CCDC88C: variants seen among roughly 807,000 people sequenced by gnomAD.
CCDC88C encodes coiled-coil and HOOK domain protein 88C.
Under a neutral mutation model 198.8 loss-of-function variants are expected in CCDC88C, and 131 were observed. That is an observed-to-expected ratio of 0.66 (90% CI 0.57 to 0.76). The LOEUF is 0.76. Ranked by LOEUF, CCDC88C falls within the 30% of genes least tolerant of loss-of-function variation. CCDC88C has a pLI of 0.00. For synonymous variants in CCDC88C, 1,166 were observed against 1,114.7 expected, an observed-to-expected ratio of 1.05 and a Z score of -0.92; for missense variants, 2,553 against 2,631.6, an observed-to-expected ratio of 0.97 and a Z score of 0.65.
intron 13 of CCDC88C, among the ~76,000 whole-genome samples, chr14:91,320,017 T>A (rs1892285804): frequency 4.8e-5 from 2 of 41,882 alleles, no homozygotes; most frequent in Non-Finnish European, 4.2e-5. Context: ...AGAACAAAAC[T>A]CAGTCTCAAA....
chr14:91,273,535 G>C lies in CCDC88C; in HGVS notation c.5177C>G (p.Thr1726Ser). 6.6e-7 allele frequency: 1 copy of C among 1,524,394 alleles called. No individual in the cohort carries two copies. The highest frequency in any genetic ancestry group is 8.8e-7 in the Non-Finnish European group (1 of 1,135,128). 94.4% of individuals were successfully genotyped at this position (1,524,394 alleles called of 1,614,324 possible). ...PAKKEGAKMP[T>S]NFVAPTVKMA... ...TTTGACGGTGGGGGCCACAAAGTTG[G>C]TGGGCATCTTGGCCCCTTCTTTCTT... Residue 1726 changes from threonine to serine, a missense_variant, in exon 30 of 30, where the codon ACC becomes AGC. Physicochemically the swap from Thr to Ser is moderately conservative, Grantham distance 58. Coordinates refer to ENST00000389857, the MANE Select transcript of CCDC88C (RefSeq NM_001080414.4). This position sits in a 1 kb window ranked among gnomAD's most constrained non-coding sequence, Gnocchi z 5.6.
intron 15 of CCDC88C, among the ~76,000 whole-genome samples, chr14:91,311,015 G>A (rs576855561): frequency 6.6e-6 from 1 of 152,322 alleles, no homozygotes; most frequent in African/African-American, 2.4e-5. Context: ...CTCCCTGACT[G>A]GAGCACAGAA....
intron 3 of CCDC88C, among the ~76,000 whole-genome samples, chr14:91,396,418 G>A (rs545170534): frequency 7.9e-5 from 12 of 152,234 alleles, no homozygotes; most frequent in African/African-American, 1.9e-4. Flanking sequence ...CCACTTTGGC[G>A]TTTAGGGTAT....
chr14:91,318,653 CA>C (rs1484956747), intron 13 of CCDC88C, among the ~76,000 whole-genome samples: 1 of 152,118 alleles, frequency 6.6e-6, no homozygotes, highest in Non-Finnish European at 1.5e-5. Context: ...CATGAACCTG[CA>C]GAGTGGCTGG....
intron 4 of CCDC88C, among the ~76,000 whole-genome samples, chr14:91,356,361 G>C (rs905965985): frequency 1.1e-4 from 17 of 152,264 alleles, no homozygotes; most frequent in Middle Eastern, 3.4e-3. Flanking sequence ...CCACCGTCTA[G>C]CATGTCAGTC....
In CCDC88C at chr14:91,285,387, C is replaced by T. The variant is rs192750613; in HGVS notation, c.4442-1870G>A. 1.7e-4 allele frequency: 79 copies of T among 454,430 alleles called. No individual in the cohort carries two copies. In the East Asian group the frequency reaches 4.0e-3, roughly 23 times the overall value. 28.1% of individuals were successfully genotyped at this position (454,430 alleles called of 1,614,324 possible). A position where few individuals can be genotyped will look rare whatever the true frequency, so the allele number is the denominator to read the frequency against. On this transcript the variant is annotated intron_variant, in intron 25 of 29. Transcript: ENST00000389857. ...GAGACGGGAGGGGGGCACGGCCACT[C>T]GACTTACTTAGTACGGACATCCTGG...
intron 27 of CCDC88C, 28 bp from the exon 28 acceptor site, chr14:91,279,334 A>C (rs769791630): frequency 1.3e-6 from 2 of 1,566,076 alleles, no homozygotes; most frequent in South Asian, 2.3e-5. Context: ...TGTTAAAATT[A>C]AAAAGCCAAT....
At chr14:91,364,496 G>A (rs999212785) in intron 3 of CCDC88C, among the ~76,000 whole-genome samples, 1 of 152,178 alleles carries the variant, frequency 6.6e-6, no homozygotes, top group Non-Finnish European at 1.5e-5. Flanking sequence ...GTGTCCCTAG[G>A]GGTTGGGGGA....
Position 91,279,224 on chromosome 14 carries a change from A to C in CCDC88C, c.4768+14T>G, listed in dbSNP as rs1195702711. The C allele has an allele frequency of 6.3e-7, 1 of 1,578,696 alleles. No homozygotes were observed. Among genetic ancestry groups the C allele is most frequent in the Non-Finnish European group, 8.6e-7 (1 of 1,159,622 alleles). ...AAATCAATTTTTAAAAGTACACAGAAGCACAAGACTTACCTTTTAGGTTAA... is the reference window on the plus strand; with the variant it reads ...AAATCAATTTTTAAAAGTACACAGACGCACAAGACTTACCTTTTAGGTTAA... On this transcript the variant is annotated intron_variant, in intron 28 of 29. Coordinates refer to ENST00000389857, the MANE Select transcript of CCDC88C (RefSeq NM_001080414.4).
rs114849211 is a variant in CCDC88C, at chr14:91,278,004, C to T, written c.4976G>A (p.Arg1659Gln). ...ACTGCTGGGGGAGGCCGAGCAGGGC[C>T]GCACTCCGACGTAGGGAGGGGCTGT... ...RGTAPPYVGV[R>Q]PCSASPSSEM... The change falls in exon 29 of 30, where the codon CGG (arginine) becomes CAG (glutamine). Residue 1659 changes from arginine (R) to glutamine (Q), a missense_variant. Transcript: ENST00000389857. 1.5e-3 allele frequency: 2,397 copies of T among 1,582,192 alleles called. 36 individuals carry two copies. In the African/African-American group the frequency reaches 0.029, roughly 19 times the overall value.
rs1596062636 is a variant in CCDC88C at position 91,315,682 on chromosome 14, T to G, written c.1633A>C (p.Met545Leu). The change falls in exon 14 of 30, where the codon ATG becomes CTG. Residue 545 changes from methionine (M) to leucine (L), a missense_variant. Physicochemically the swap from Met to Leu is conservative, Grantham distance 15. Transcript: ENST00000389857. Reference sequence around the variant, plus strand: ...GCTTTGTCAGCCTTCAGGGTCTCCATGTCACTCTGCAGCTGCTCCTTCTCT... The same window carrying G: ...GCTTTGTCAGCCTTCAGGGTCTCCAGGTCACTCTGCAGCTGCTCCTTCTCT... ...IREKEQLQSDMETLKADKARQ... is the reference protein window; with the variant it reads ...IREKEQLQSDLETLKADKARQ... The G allele has an allele frequency of 6.2e-7, 1 of 1,613,936 alleles. No homozygotes were observed. The highest frequency in any genetic ancestry group is 8.5e-7 in the Non-Finnish European group (1 of 1,179,876).
intron 4 of CCDC88C, among the ~76,000 whole-genome samples, chr14:91,345,188 ATATTTTTTT>A (rs1893488917): frequency 1.6e-5 from 1 of 64,088 alleles, no homozygotes; most frequent in African/African-American, 6.0e-5. Flanking sequence ...ATATATATAT[ATATTTTTTT>A]TTTTTTTTTT....
intron 3 of CCDC88C, among the ~76,000 whole-genome samples, chr14:91,390,775 G>A (rs1885461317): frequency 6.6e-6 from 1 of 152,134 alleles, no homozygotes; most frequent in African/African-American, 2.4e-5. Context: ...CCAAAGCCCA[G>A]AGAATGGGGT....
chr14:91,324,696 C>A, intron 12 of CCDC88C, 83 bp downstream of exon 12: 1 of 1,509,488 alleles, frequency 6.6e-7, no homozygotes, highest in Non-Finnish European at 9.0e-7. Context: ...GCTAACATGG[C>A]AGATTCAGAG....
Position 91,338,955 on chromosome 14 carries a change from C to A in CCDC88C, c.809+323G>T. On this transcript the variant is annotated intron_variant, in intron 8 of 29. Transcript: ENST00000389857. This position sits in a 1 kb window ranked among gnomAD's most constrained non-coding sequence, Gnocchi z 4.8. ...AGGAGGGGCACCTCATCCCTCCAGCCAAGAAAACACATCAGGTGTGGTCGT... is the reference window on the plus strand; with the variant it reads ...AGGAGGGGCACCTCATCCCTCCAGCAAAGAAAACACATCAGGTGTGGTCGT... The A allele has an allele frequency of 2.0e-6, 1 of 491,872 alleles. No individual in the cohort carries two copies. Among genetic ancestry groups the A allele is most frequent in the Non-Finnish European group, 3.7e-6 (1 of 268,200 alleles). 30.5% of individuals were successfully genotyped at this position (491,872 alleles called of 1,614,324 possible). A position where few individuals can be genotyped will look rare whatever the true frequency, so the allele number is the denominator to read the frequency against.
intron 3 of CCDC88C, among the ~76,000 whole-genome samples, chr14:91,386,116 G>A (rs183108852): frequency 8.5e-5 from 13 of 152,100 alleles, no homozygotes; most frequent in Admixed American, 6.6e-4. Flanking sequence ...ATCCTGTGAT[G>A]ACTGAGCTCT....
At chr14:91,413,125 G>A (rs561740075) in intron 2 of CCDC88C, among the ~76,000 whole-genome samples, 1 of 152,260 alleles carries the variant, frequency 6.6e-6, no homozygotes, top group South Asian at 2.1e-4. Flanking sequence ...CTCAGCCCTA[G>A]TACCAAGTTC....
intron 10 of CCDC88C, among the ~76,000 whole-genome samples, chr14:91,333,516 C>G (rs535228477): frequency 1.3e-5 from 2 of 152,312 alleles, no homozygotes; most frequent in East Asian, 3.9e-4. Context: ...ATGACATATA[C>G]TGCATGCTCT....
chr14:91,324,011 C>A (rs1892468367), intron 12 of CCDC88C, among the ~76,000 whole-genome samples: 1 of 127,814 alleles, frequency 7.8e-6, no homozygotes, highest in Admixed American at 7.3e-5. Context: ...AAGCCACCCA[C>A]TAAACAAGCC....
Sources: allele counts gnomAD v4.1 joint callset (sites outside exome capture counted in the v4.1 genomes callset), GRCh38; gene constraint gnomAD v4.1.1; non-coding constraint Gnocchi (gnomAD v3.1); transcripts MANE v1.5; gene names NCBI Gene and HGNC (gene_info 2026-07-23, HGNC 2026-07-21).